Variants in TMCO4 observed in about 807,000 individuals in gnomAD.
TMCO4 encodes transmembrane and coiled-coil domains 4.
Under a neutral mutation model 64.7 loss-of-function variants are expected in TMCO4, and 58 were observed. The observed-to-expected ratio is 0.90, with a 90% CI of 0.73 to 1.12. TMCO4 has a LOEUF of 1.12. Among genes scored for constraint, TMCO4 ranks in the 50% most tolerant of loss-of-function variants. TMCO4 has a pLI of 0.00. For missense variants in TMCO4, 780 were observed against 825.9 expected, an observed-to-expected ratio of 0.94 and a Z score of 0.68; for synonymous variants, 325 against 346.1, an observed-to-expected ratio of 0.94 and a Z score of 0.68.
chr1:19,694,349 G>T lies in TMCO4; in HGVS notation c.1500+85C>A. 3 of 1,183,458 alleles carry T rather than the reference G, an allele frequency of 2.5e-6. No individual in the cohort carries two copies. In the South Asian group the frequency reaches 4.2e-5, roughly 17 times the overall value. The allele number at this position is 1,183,458 out of a possible 1,614,324, so 73.3% of individuals were successfully genotyped here. A position where few individuals can be genotyped will look rare whatever the true frequency, so the allele number is the denominator to read the frequency against. On this transcript the variant is annotated intron_variant, in intron 15 of 15. Coordinates refer to ENST00000294543, the MANE Select transcript of TMCO4 (RefSeq NM_181719.7). ...TCTCCTGTGGCGTGGACCAGGCTGG[G>T]GCCACTGTCTCCAGGGGACAGGGGT...
At chr1:19,691,245 T>C (rs10917518) in intron 15 of TMCO4, among the ~76,000 whole-genome samples, 96,652 of 151,974 alleles carry the variant, frequency 0.64, 31,055 homozygotes, top group Non-Finnish European at 0.66. Flanking sequence ...TCTACCCCAG[T>C]CCCCAAAGCT....
At chr1:19,699,190 C>T (rs114860029) in intron 14 of TMCO4, among the ~76,000 whole-genome samples, 1,510 of 148,258 alleles carry the variant, frequency 0.01, 15 homozygotes, top group East Asian at 0.026. Context: ...TGTGAGACTC[C>T]GTTTCAAAAA....
intron 6 of TMCO4, among the ~76,000 whole-genome samples, chr1:19,770,157 T>C (rs2042921013): frequency 6.6e-6 from 1 of 152,138 alleles, no homozygotes; most frequent in African/African-American, 2.4e-5. Flanking sequence ...AAGAACACTC[T>C]AGCTGCAGAG....
At chr1:19,729,689 C>T (rs977592540) in intron 13 of TMCO4, among the ~76,000 whole-genome samples, 11 of 151,768 alleles carry the variant, frequency 7.2e-5, no homozygotes, top group African/African-American at 1.5e-4. Context: ...TTGCTTGAAC[C>T]GGGAGGTGGA....
chr1:19,793,668 A>G (rs1208260649), intron 2 of TMCO4, among the ~76,000 whole-genome samples: 2 of 152,232 alleles, frequency 1.3e-5, no homozygotes. Flanking sequence ...AGAAGAAAAC[A>G]GAGATGCTGG....
chr1:19,723,091 TTC>T (rs1281896889), intron 13 of TMCO4, among the ~76,000 whole-genome samples: 1 of 152,146 alleles, frequency 6.6e-6, no homozygotes, highest in Admixed American at 6.5e-5. Context: ...TAGGGCCACC[TTC>T]TCTCTCTCTG....
At chr1:19,686,349 A>T (rs2095149592) in intron 15 of TMCO4, among the ~76,000 whole-genome samples, 1 of 152,166 alleles carries the variant, frequency 6.6e-6, no homozygotes, top group Non-Finnish European at 1.5e-5. Flanking sequence ...TTTCTTTTTA[A>T]AAAAAGGACA....
At chr1:19,694,601 C>A in intron 14 of TMCO4, 50 bp from the exon 15 acceptor site, 1 of 1,570,270 alleles carries the variant, frequency 6.4e-7, no homozygotes, top group Non-Finnish European at 8.7e-7. Context: ...CCTCGGACAG[C>A]CCAAGGACAG....
At position 19,734,255 on chromosome 1, in the gene TMCO4, G is replaced by A. The variant is rs953487667; in HGVS notation, c.1264+3117C>T. 4.6e-5 allele frequency among the ~76,000 whole-genome samples: 7 copies of A among 152,142 alleles called. No homozygotes were observed. The highest frequency in any genetic ancestry group is 3.3e-4 in the Admixed American group (5 of 15,280). On this transcript the variant is annotated intron_variant, in intron 13 of 15. Transcript: ENST00000294543. This position sits in a 1 kb window ranked among gnomAD's most constrained non-coding sequence, Gnocchi z 4.4. ...GGTGCTGAAGGCAGATCATGAGTGG[G>A]GCCCTGTGAGTCATGCTGGGACATC... is the stretch of plus-strand genomic sequence containing the variant.
chr1:19,700,691 C>T, intron 14 of TMCO4, 77 bp downstream of exon 14: 1 of 1,287,030 alleles, frequency 7.8e-7, no homozygotes, highest in Non-Finnish European at 1.1e-6. Context: ...AAATATGTGT[C>T]CCCAACACAG....
At chr1:19,716,381 C>CTTTTTTTTTTTTTTTTT (rs1262772167) in intron 13 of TMCO4, among the ~76,000 whole-genome samples, 1 of 124,472 alleles carries the variant, frequency 8.0e-6, no homozygotes, top group African/African-American at 3.1e-5. Context: ...TTTTTTCTTT[C>CTTTTTTTTTTTTTTTTT]TTTTTTTTTT....
chr1:19,770,882 T>C (rs766642934), intron 5 of TMCO4, among the ~76,000 whole-genome samples: 2 of 152,232 alleles, frequency 1.3e-5, no homozygotes, highest in Non-Finnish European at 2.9e-5. Context: ...GGGCATACAG[T>C]GAAGCTTCTG....
chr1:19,700,924 G>T (rs1570672136), intron 13 of TMCO4, 39 bp from the exon 14 acceptor site: 7 of 1,565,448 alleles, frequency 4.5e-6, no homozygotes, highest in Non-Finnish European at 4.4e-6. Flanking sequence ...AGTGTCCCTG[G>T]CCACATTGGG....
chr1:19,710,178 C>G (rs1033265448), intron 13 of TMCO4, among the ~76,000 whole-genome samples: 9 of 151,982 alleles, frequency 5.9e-5, no homozygotes, highest in African/African-American at 2.2e-4. Context: ...GTGATCATAG[C>G]TCACTGCAGC....
intron 2 of TMCO4, among the ~76,000 whole-genome samples, chr1:19,797,780 C>T (rs1028994056): frequency 4.6e-5 from 7 of 150,750 alleles, no homozygotes; most frequent in African/African-American, 1.7e-4. Context: ...AGGAGAACCG[C>T]TTGAACCTGG....
Position 19,771,313 on chromosome 1 carries a change from T to G in TMCO4, c.349A>C (p.Thr117Pro), listed in dbSNP as rs756327165. ...CCACCAGGTGTTGGGTGTACCTGAG[T>G]GATCACCGTCGGGTCGTCCTTCAAG... ...PILKDDPTVI[T>P]QDLLSFSLKD... Residue 117 changes from threonine (T) to proline (P), a missense_variant, in exon 5 of 16, where the codon ACT becomes CCT. Physicochemically the swap from Thr to Pro is conservative, Grantham distance 38 (BLOSUM62 -1). Coordinates refer to ENST00000294543, the MANE Select transcript of TMCO4 (RefSeq NM_181719.7). The G allele has an allele frequency of 6.2e-7, 1 of 1,613,860 alleles. No homozygotes were observed. Among genetic ancestry groups the G allele is most frequent in the Non-Finnish European group, 8.5e-7 (1 of 1,179,848 alleles).
intron 6 of TMCO4, among the ~76,000 whole-genome samples, chr1:19,765,141 A>T (rs1327210327): frequency 6.6e-6 from 1 of 152,138 alleles, no homozygotes; most frequent in Non-Finnish European, 1.5e-5. Context: ...TCTCCCAGGG[A>T]CCAATACAGA....
At chr1:19,725,730 C>T (rs1570772177) in intron 13 of TMCO4, among the ~76,000 whole-genome samples, 4 of 152,296 alleles carry the variant, frequency 2.6e-5, no homozygotes, top group Admixed American at 2.6e-4. Flanking sequence ...GGTTTCCTGA[C>T]CAAAGGCACA....
rs2095432596 is a variant in TMCO4, at chr1:19,732,121, T to C, written c.1264+5251A>G. Among the ~76,000 whole-genome samples, 1 of 152,068 alleles carries C rather than the reference T, an allele frequency of 6.6e-6. No individual in the cohort carries two copies. Among genetic ancestry groups the C allele is most frequent in the African/African-American group, 2.4e-5 (1 of 41,414 alleles). On this transcript the variant is annotated intron_variant, in intron 13 of 15. Coordinates refer to ENST00000294543, the MANE Select transcript of TMCO4 (RefSeq NM_181719.7). The surrounding 1 kb of genome is among the most constrained non-coding windows in gnomAD (Gnocchi z 4.8). The stretch of plus-strand genomic sequence containing the variant: ...CCACAGAGAGAGCTGGCTACATGTC[T>C]GTGAATGTGCGCACACCTGCTGCTC...
Sources: allele counts gnomAD v4.1 joint callset (sites outside exome capture counted in the v4.1 genomes callset), GRCh38; gene constraint gnomAD v4.1.1; non-coding constraint Gnocchi (gnomAD v3.1); transcripts MANE v1.5; gene names NCBI Gene and HGNC (gene_info 2026-07-23, HGNC 2026-07-21).